The following MYO1D variants were observed in gnomAD, a reference collection of about 807,000 sequenced individuals.
The protein encoded by MYO1D is myosin ID.
Under a neutral mutation model 122.0 loss-of-function variants are expected in MYO1D, and 83 were observed. The observed-to-expected ratio is 0.68, with a 90% CI of 0.57 to 0.82. The LOEUF (loss-of-function observed/expected upper bound fraction) is 0.82. Among genes scored for constraint, MYO1D ranks in the 40% least tolerant of loss-of-function variants. The pLI is 0.00. For synonymous variants in MYO1D, 464 were observed against 446.9 expected (o/e 1.04, Z -0.48); for missense variants, 1,157 against 1,269.5 (o/e 0.91, Z 1.35).
chr17:32,771,073 TA>T, intron 6 of MYO1D, 51 bp downstream of exon 6: 1 of 1,379,692 alleles, frequency 7.2e-7, no homozygotes, highest in Non-Finnish European at 1.0e-6. Flanking sequence ...ATGTCTCTTC[TA>T]ATCCTTTGAC....
chr17:32,711,518 C>T (rs560215889), intron 16 of MYO1D, among the ~76,000 whole-genome samples: 5 of 151,930 alleles, frequency 3.3e-5, no homozygotes, highest in Non-Finnish European at 5.9e-5. Flanking sequence ...TGGTGGTGTG[C>T]GCCTGTAATC....
chr17:32,549,332 G>A (rs1199625833), intron 21 of MYO1D, among the ~76,000 whole-genome samples: 2 of 149,062 alleles, frequency 1.3e-5, no homozygotes, highest in Non-Finnish European at 3.0e-5. Flanking sequence ...CTGGGCTCAA[G>A]TGATCCACCC....
intron 20 of MYO1D, among the ~76,000 whole-genome samples, chr17:32,622,976 A>G (rs2087872485): frequency 6.6e-6 from 1 of 152,154 alleles, no homozygotes; most frequent in Non-Finnish European, 1.5e-5. Flanking sequence ...GTCCTTTACC[A>G]TTTATGGTGT....
Position 32,738,518 on chromosome 17 carries a change from AATG to A in MYO1D, c.1614-136_1614-134del, listed in dbSNP as rs1263784537. On this transcript the variant is annotated intron_variant, in intron 13 of 21. Transcript: ENST00000318217. ...GATTCAACTCACAAGGCCTAATTGGAATGATGATTCCATCCAGAAAATTATGCT... is the reference window on the plus strand; with the variant it reads ...GATTCAACTCACAAGGCCTAATTGGAATGATTCCATCCAGAAAATTATGCT... 4.2e-5 allele frequency: 38 copies of A among 907,226 alleles called. No homozygotes were observed. In the Middle Eastern group the frequency reaches 1.5e-3, roughly 35 times the overall value. 56.2% of individuals were successfully genotyped at this position (907,226 alleles called of 1,614,324 possible). A position where few individuals can be genotyped will look rare whatever the true frequency, so the allele number is the denominator to read the frequency against.
intron 20 of MYO1D, among the ~76,000 whole-genome samples, chr17:32,623,066 C>T (rs1471253697): frequency 3.3e-5 from 5 of 150,922 alleles, no homozygotes; most frequent in East Asian, 3.9e-4. Context: ...ATGGTAAGGG[C>T]GGACATCAGA....
intron 21 of MYO1D, chr17:32,509,925 G>A (rs1162268946): frequency 1.3e-5 from 2 of 152,100 alleles, no homozygotes; most frequent in Non-Finnish European, 2.9e-5. Flanking sequence ...GTTGTAAAGG[G>A]GTCTTAGATT....
intron 21 of MYO1D, among the ~76,000 whole-genome samples, chr17:32,526,294 C>T (rs909999946): frequency 2.0e-5 from 3 of 152,182 alleles, no homozygotes; most frequent in Non-Finnish European, 2.9e-5. Flanking sequence ...TCGAACTCAA[C>T]AAGAACTCCC....
chr17:32,539,623 T>C lies in MYO1D; in HGVS notation c.2865-44708A>G, dbSNP rs185683721. On this transcript the variant is annotated intron_variant, in intron 21 of 21. Transcript: ENST00000318217. ...CTCTGCCTCTGTCTTCCCACTGCCT[T>C]CTCTGTGAGTGTTAAATCTCCCTCT... Among the ~76,000 whole-genome samples, 30 of 152,304 alleles carry C rather than the reference T, an allele frequency of 2.0e-4. 1 individual carries two copies. The East Asian group carries it at 3.3e-3, about 17-fold the overall frequency.
intron 1 of MYO1D, among the ~76,000 whole-genome samples, chr17:32,803,610 TC>T (rs2090479536): frequency 1.3e-5 from 2 of 152,194 alleles, no homozygotes; most frequent in Admixed American, 6.5e-5. Flanking sequence ...TAATAATCAT[TC>T]CCAGTTAATT....
rs1055992898 is a variant in MYO1D at position 32,492,794 on chromosome 17, C to T, written c.*1965G>A. ...CCCCTCAGCGCCCGGGACACGTGAC[C>T]GAGATCATACCCTAAATTCCTGATC... On this transcript the variant is annotated 3_prime_UTR_variant, in exon 22 of 22. Coordinates refer to ENST00000318217, the MANE Select transcript of MYO1D (RefSeq NM_015194.3). 2.0e-5 allele frequency: 3 copies of T among 152,566 alleles called. No individual in the cohort carries two copies. The highest frequency in any genetic ancestry group is 2.9e-5 in the Non-Finnish European group (2 of 68,040). 9.5% of individuals were successfully genotyped at this position (152,566 alleles called of 1,614,324 possible).
At chr17:32,589,665 C>G (rs2087421145) in intron 21 of MYO1D, among the ~76,000 whole-genome samples, 1 of 152,184 alleles carries the variant, frequency 6.6e-6, no homozygotes, top group Non-Finnish European at 1.5e-5. Flanking sequence ...AATCTTCTCT[C>G]CCTACGAACA....
Position 32,820,860 on chromosome 17 carries a change from A to G in MYO1D, c.96-40076T>C, listed in dbSNP as rs552420130. On this transcript the variant is annotated intron_variant, in intron 1 of 21. Coordinates refer to ENST00000318217, the MANE Select transcript of MYO1D (RefSeq NM_015194.3). ...TTAAGTATATATATTTTTTCTGTTC[A>G]TTCTTCCTACTTTTTCTTTAACTTT... Among the ~76,000 whole-genome samples the G allele has an allele frequency of 3.3e-5, 5 of 152,274 alleles. No individual in the cohort carries two copies. In the South Asian group the frequency reaches 6.2e-4, roughly 19 times the overall value.
At chr17:32,767,607 A>G (rs1828914513) in intron 7 of MYO1D, 29 bp downstream of exon 7, 1 of 1,425,126 alleles carries the variant, frequency 7.0e-7, no homozygotes. Context: ...AGCAGAAGAC[A>G]ATACATTCTG....
At chr17:32,834,661 A>T (rs1020551926) in intron 1 of MYO1D, among the ~76,000 whole-genome samples, 2 of 152,130 alleles carry the variant, frequency 1.3e-5, no homozygotes, top group African/African-American at 4.8e-5. Context: ...TCCTACTCCA[A>T]TCTGTCTTAC....
intron 20 of MYO1D, among the ~76,000 whole-genome samples, chr17:32,637,860 T>C (rs1001380374): frequency 1.3e-5 from 2 of 152,152 alleles, no homozygotes; most frequent in African/African-American, 4.8e-5. Flanking sequence ...GAATAGTTTG[T>C]CTTCCTTGTA....
rs753206176 is a variant in MYO1D, at chr17:32,780,614, A to G, written c.266T>C (p.Met89Thr). Residue 89 changes from methionine to threonine, a missense_variant, in exon 2 of 22, where the codon ATG becomes ACG. By Grantham distance (81) the Met-to-Thr change is moderately conservative. Transcript: ENST00000318217. ...FAIADAAYKA[M>T]KRRSKDTCIV... is the part of the protein sequence containing the mutation. ...ACAAGTGTCTTTTGATCGCCTCTTC[A>G]TAGCCTTGTAAGCAGCATCCGCAAT... The G allele has an allele frequency of 6.2e-7, 1 of 1,614,116 alleles. No homozygotes were observed. Among genetic ancestry groups the G allele is most frequent in the South Asian group, 1.1e-5 (1 of 91,082 alleles).
chr17:32,750,117 A>G (rs2089883217), intron 11 of MYO1D, among the ~76,000 whole-genome samples: 1 of 152,214 alleles, frequency 6.6e-6, no homozygotes, highest in Non-Finnish European at 1.5e-5. Flanking sequence ...ATCATTTCAC[A>G]GAAGATAAAG....
chr17:32,647,402 G>A (rs2088310582), intron 19 of MYO1D, among the ~76,000 whole-genome samples: 1 of 152,184 alleles, frequency 6.6e-6, no homozygotes. Context: ...GAAATACAGG[G>A]ACATGAATAA....
rs751223050 is a variant in MYO1D at position 32,712,137 on chromosome 17, C to T, written c.1972G>A (p.Ala658Thr). 1.2e-6 allele frequency: 2 copies of T among 1,614,022 alleles called. No homozygotes were observed. Among genetic ancestry groups the T allele is most frequent in the East Asian group, 4.5e-5 (2 of 44,860 alleles). The part of the protein sequence containing the change: ...PNHDLPSDKE[A>T]VKKLIERCGF... Reference sequence around the variant, plus strand: ...CACCGTTCAATTAGTTTCTTGACAGCCTCTTTGTCTGAAGGAAGGTCATGG... The same window carrying T: ...CACCGTTCAATTAGTTTCTTGACAGTCTCTTTGTCTGAAGGAAGGTCATGG... The change falls in exon 16 of 22, where the codon GCT becomes ACT. Residue 658 changes from alanine to threonine, a missense_variant. Ala to Thr is a moderately conservative substitution (Grantham distance 58). Coordinates refer to ENST00000318217, the MANE Select transcript of MYO1D (RefSeq NM_015194.3).
Sources: gnomAD v4.1 joint callset for allele counts (sites outside exome capture counted in the v4.1 genomes callset) on GRCh38, gnomAD v4.1.1 for gene constraint, MANE v1.5 for transcripts, NCBI Gene and HGNC (gene_info 2026-07-23, HGNC 2026-07-21) for gene names.